DTHD1: variants seen among roughly 807,000 people sequenced by gnomAD.
The protein encoded by DTHD1 is death domain-containing protein 1.
DTHD1 carries 59 observed loss-of-function variants against 74.8 expected under a neutral mutation model. The observed-to-expected ratio is 0.79, with a 90% CI of 0.64 to 0.98. The LOEUF (loss-of-function observed/expected upper bound fraction) is 0.98. Ranked by LOEUF, DTHD1 falls within the 50% of genes least tolerant of loss-of-function variation. The probability of loss-of-function intolerance (pLI) is 0.00; values close to 1 mark genes in which losing one functional copy is unlikely to be tolerated. For missense variants in DTHD1, 1,051 were observed against 1,065.4 expected (o/e 0.99, Z 0.19); for synonymous variants, 365 against 371.1 (o/e 0.98, Z 0.19).
At position 36,309,759 on chromosome 4, in the gene DTHD1, A is replaced by G. The variant is rs370924040; in HGVS notation, c.2095+1266A>G. ...GTTATTGTACACTTTAATCAAATAC[A>G]CTGAAGAAATATCATTGACTGACAA... is the stretch of plus-strand genomic sequence containing the variant. On this transcript the variant is annotated intron_variant, in intron 7 of 9. Transcript: ENST00000639862. Among the ~76,000 whole-genome samples the G allele has an allele frequency of 5.3e-5, 8 of 152,238 alleles. No homozygotes were observed. In the East Asian group the frequency reaches 1.3e-3, roughly 26 times the overall value.
chr4:36,283,348 A>G (rs1288480647), intron 1 of DTHD1, among the ~76,000 whole-genome samples: 2 of 152,216 alleles, frequency 1.3e-5, no homozygotes, highest in African/African-American at 2.4e-5. Flanking sequence ...TCAGGTTCCA[A>G]TCAGAGAATT....
intron 3 of DTHD1, 84 bp from the exon 4 acceptor site, chr4:36,293,442 T>A: frequency 8.8e-7 from 1 of 1,142,660 alleles, no homozygotes. Context: ...TGTATAGATT[T>A]TTTTGACAAT....
At position 36,306,261 on chromosome 4, in the gene DTHD1, A is replaced by G. The variant is rs1177375775; in HGVS notation, c.1714A>G (p.Ser572Gly). The change falls in exon 6 of 10, where the codon AGC (serine) becomes GGC (glycine). Residue 572 changes from serine to glycine, a missense_variant. Coordinates refer to ENST00000639862, the MANE Select transcript of DTHD1 (RefSeq NM_001170700.3). Reference sequence around the variant, plus strand: ...ATGTTTGAAATTACTGGGATTCAGAAGCCAAGACAGTGGTTGGTGTGGGCT... The same window carrying G: ...ATGTTTGAAATTACTGGGATTCAGAGGCCAAGACAGTGGTTGGTGTGGGCT... ...SECLKLLGFR[S>G]QDSGWCGLDD... is the part of the protein sequence containing the mutation. 1.1e-5 allele frequency: 17 copies of G among 1,551,872 alleles called. No homozygotes were observed. Among genetic ancestry groups the G allele is most frequent in the Non-Finnish European group, 1.4e-5 (16 of 1,147,016 alleles).
At chr4:36,317,422 A>T (rs1001766679) in intron 8 of DTHD1, among the ~76,000 whole-genome samples, 3 of 152,222 alleles carry the variant, frequency 2.0e-5, no homozygotes, top group African/African-American at 7.2e-5. Context: ...GATGGGCAGT[A>T]AGTTTAAGAT....
At chr4:36,327,312 T>C (rs1758412859) in intron 8 of DTHD1, among the ~76,000 whole-genome samples, 1 of 152,122 alleles carries the variant, frequency 6.6e-6, no homozygotes, top group Non-Finnish European at 1.5e-5. Context: ...AGAATTATGC[T>C]AAGAGTTAAA....
chr4:36,343,467 GTCCTAACCGTGAGTGTTCC>G lies in DTHD1; in HGVS notation c.2399-30_2399-12del. The G allele has an allele frequency of 6.5e-7, 1 of 1,534,198 alleles. No individual in the cohort carries two copies. Among genetic ancestry groups the G allele is most frequent in the Non-Finnish European group, 8.8e-7 (1 of 1,137,388 alleles). ...AGACCCATGCATCCCCCAGGAGAGG[GTCCTAACCGTGAGTGTTCC>G]TCCTGTGCCTGACAGAAGCCCTTTG... On this transcript the variant is annotated splice_polypyrimidine_tract_variant and intron_variant, in intron 9 of 9. Transcript: ENST00000639862.
intron 2 of DTHD1, among the ~76,000 whole-genome samples, chr4:36,285,866 G>A (rs1305906604): frequency 6.6e-6 from 1 of 152,038 alleles, no homozygotes; most frequent in Non-Finnish European, 1.5e-5. Flanking sequence ...TTCACACCAG[G>A]TAAATGTTAG....
At chr4:36,308,966 A>T (rs1483867309) in intron 7 of DTHD1, among the ~76,000 whole-genome samples, 1 of 147,708 alleles carries the variant, frequency 6.8e-6, no homozygotes, top group Non-Finnish European at 1.5e-5. Flanking sequence ...TTTACAAAGA[A>T]TCTAACCTGG....
chr4:36,331,431 G>C (rs745623057), intron 8 of DTHD1, among the ~76,000 whole-genome samples: 18 of 152,124 alleles, frequency 1.2e-4, no homozygotes, highest in Non-Finnish European at 1.9e-4. Context: ...GGAAAAGTCA[G>C]GACTTATAAT....
chr4:36,293,899 A>C (rs1359186900), intron 4 of DTHD1, among the ~76,000 whole-genome samples, 194 bp downstream of exon 4: 1 of 152,170 alleles, frequency 6.6e-6, no homozygotes, highest in East Asian at 1.9e-4. Flanking sequence ...CTCATTAAAA[A>C]TAAATCTTCT....
intron 5 of DTHD1, among the ~76,000 whole-genome samples, chr4:36,298,825 A>C (rs978218969): frequency 1.3e-5 from 2 of 152,180 alleles, no homozygotes; most frequent in African/African-American, 4.8e-5. Context: ...TATTTTAGAG[A>C]GTTAGACAGG....
Position 36,290,400 on chromosome 4 carries a change from T to A in DTHD1, c.915T>A (p.Thr305=). The A allele has an allele frequency of 1.3e-6, 2 of 1,551,286 alleles. No individual in the cohort carries two copies. The highest frequency in any genetic ancestry group is 2.7e-5 in the African/African-American group (2 of 73,160). The change falls in exon 3 of 10, where the codon ACT becomes ACA. Residue 305 remains threonine, a synonymous_variant. Coordinates refer to ENST00000639862, the MANE Select transcript of DTHD1 (RefSeq NM_001170700.3). Reference sequence around the variant, plus strand: ...ATCTTGATGTGCTGAGTGATGTTACTGGCCCCCAAGTGTCTTGTTATATTA... The same window carrying A: ...ATCTTGATGTGCTGAGTGATGTTACAGGCCCCCAAGTGTCTTGTTATATTA... The part of the protein sequence containing the change: ...KEYLDVLSDV[T]GPQVSCYITA...
chr4:36,340,217 C>T (rs996841041), intron 9 of DTHD1, among the ~76,000 whole-genome samples: 1 of 152,152 alleles, frequency 6.6e-6, no homozygotes, highest in Non-Finnish European at 1.5e-5. Context: ...TGGGAGAAAA[C>T]TATGAAAAGT....
chr4:36,304,001 G>A (rs1239678713), intron 5 of DTHD1, among the ~76,000 whole-genome samples: 1 of 152,150 alleles, frequency 6.6e-6, no homozygotes, highest in Admixed American at 6.5e-5. Flanking sequence ...AACCACAGAG[G>A]CCAGGAAGTG....
intron 5 of DTHD1, among the ~76,000 whole-genome samples, chr4:36,296,455 A>G (rs1447584533): frequency 6.6e-6 from 1 of 152,180 alleles, no homozygotes; most frequent in Non-Finnish European, 1.5e-5. Context: ...ATCAAAAGTA[A>G]AAATTTATAT....
intron 8 of DTHD1, among the ~76,000 whole-genome samples, chr4:36,318,764 G>A (rs1057430642): frequency 6.6e-5 from 10 of 151,880 alleles, no homozygotes; most frequent in Non-Finnish European, 1.0e-4. Flanking sequence ...ACAGGCGCCC[G>A]CCACCACGCC....
chr4:36,295,489 G>A (rs1756344506), intron 5 of DTHD1, among the ~76,000 whole-genome samples: 1 of 151,926 alleles, frequency 6.6e-6, no homozygotes, highest in Non-Finnish European at 1.5e-5. Context: ...ATAAAAGGTG[G>A]ATGAGCATTC....
intron 3 of DTHD1, among the ~76,000 whole-genome samples, chr4:36,291,617 T>C (rs1756084936): frequency 6.6e-6 from 1 of 152,062 alleles, no homozygotes; most frequent in African/African-American, 2.4e-5. Flanking sequence ...TCACCTGAGG[T>C]TGGGAGTTCA....
At chr4:36,335,276 T>G (rs1425708308) in intron 8 of DTHD1, among the ~76,000 whole-genome samples, 2 of 152,190 alleles carry the variant, frequency 1.3e-5, no homozygotes, top group East Asian at 3.9e-4. Context: ...AAGGCTGGAG[T>G]GCAGTGGCAT....
Sources: allele counts gnomAD v4.1 joint callset (sites outside exome capture counted in the v4.1 genomes callset), GRCh38; gene constraint gnomAD v4.1.1; transcripts MANE v1.5; gene names NCBI Gene and HGNC (gene_info 2026-07-23, HGNC 2026-07-21).